The following RTL4 variants were observed in gnomAD, a reference collection of about 807,000 sequenced individuals.
The protein encoded by RTL4 is retrotransposon Gag like 4.
A neutral mutation model predicts 5.3 loss-of-function variants in RTL4; 4 were observed. That is an observed-to-expected ratio of 0.75 (90% CI 0.37 to 1.72). The LOEUF (loss-of-function observed/expected upper bound fraction) is 1.72, where lower values mean the gene tolerates loss of function less well. Ranked by LOEUF, RTL4 falls within the 40% of genes most tolerant of loss-of-function variation. The pLI, the probability that RTL4 is intolerant of heterozygous loss-of-function variation, is 0.04. For synonymous variants in RTL4, 98 were observed against 87.3 expected, an observed-to-expected ratio of 1.12 and a Z score of -0.68; for missense variants, 260 against 227.1, an observed-to-expected ratio of 1.14 and a Z score of -0.93.
the RTL4 span, among the ~76,000 whole-genome samples, chrX:112,329,257 G>T: frequency 9.1e-6 from 1 of 110,401 alleles, no homozygotes; most frequent in South Asian, 3.8e-4. Flanking sequence ...TTGATAGACC[G>T]CTAGCAAGAC....
chrX:112,117,600 A>G, the RTL4 span, among the ~76,000 whole-genome samples: 1 of 111,425 alleles, frequency 9.0e-6, no homozygotes, highest in African/African-American at 3.3e-5. Context: ...ATCATATGAG[A>G]AAAATGTTCA....
chrX:112,232,270 A>G, the RTL4 span, among the ~76,000 whole-genome samples: 1 of 111,903 alleles, frequency 8.9e-6, no homozygotes, highest in Non-Finnish European at 1.9e-5. Context: ...TCTAGGTGAT[A>G]CGGGGCAAGT....
At chrX:112,309,492 T>C in the RTL4 span, among the ~76,000 whole-genome samples, 1 of 110,358 alleles carries the variant, frequency 9.1e-6, no homozygotes, top group Non-Finnish European at 1.9e-5. Flanking sequence ...ATGAAATTCA[T>C]GTGTCTTTTT....
At chrX:112,264,698 C>A in the RTL4 span, among the ~76,000 whole-genome samples, 1 of 111,721 alleles carries the variant, frequency 9.0e-6, no homozygotes, top group East Asian at 2.8e-4. Flanking sequence ...TTCCTCATTA[C>A]TCTTCCTAGT....
At chrX:112,152,165 C>T in the RTL4 span, among the ~76,000 whole-genome samples, 2 of 111,538 alleles carry the variant, frequency 1.8e-5, no homozygotes, top group African/African-American at 6.5e-5. Flanking sequence ...ATAGTTACCC[C>T]TAACAGCTTT....
At chrX:112,130,246 CT>C in the RTL4 span, among the ~76,000 whole-genome samples, 658 of 97,786 alleles carry the variant, frequency 6.7e-3, 3 homozygotes, top group African/African-American at 0.02. Context: ...CTTTTCTTTT[CT>C]TTTTTTTTTT....
At chrX:112,449,436 C>G in the RTL4 span, among the ~76,000 whole-genome samples, 1 of 79,613 alleles carries the variant, frequency 1.3e-5, no homozygotes, top group Admixed American at 1.3e-4. Context: ...ATATTTTCTA[C>G]TTTCAAAAAT....
the RTL4 span, among the ~76,000 whole-genome samples, chrX:112,287,153 T>A: frequency 8.9e-6 from 1 of 111,987 alleles, no homozygotes; most frequent in Non-Finnish European, 1.9e-5. Context: ...GTACTCAGTG[T>A]GTGATGAATG....
chrX:112,257,424 T>C, the RTL4 span, among the ~76,000 whole-genome samples: 1 of 111,563 alleles, frequency 9.0e-6, no homozygotes, highest in Admixed American at 9.6e-5. Context: ...ATTTTACTTA[T>C]GTCCTTTTCT....
At chrX:112,227,405 G>A in the RTL4 span, among the ~76,000 whole-genome samples, 1 of 111,334 alleles carries the variant, frequency 9.0e-6, no homozygotes, top group African/African-American at 3.3e-5. Context: ...GTGATGAAGA[G>A]GTTGTCAGAG....
the RTL4 span, among the ~76,000 whole-genome samples, chrX:112,330,400 T>C: frequency 9.5e-5 from 10 of 105,069 alleles, 1 homozygote; most frequent in Non-Finnish European, 1.9e-4. Context: ...TGAACTCCCA[T>C]TCACAATTGC....
the RTL4 span, among the ~76,000 whole-genome samples, chrX:112,358,801 T>A: frequency 1.8e-5 from 2 of 111,891 alleles, no homozygotes; most frequent in Admixed American, 1.9e-4. Flanking sequence ...CTTTTCACTA[T>A]CCATCACTGG....
chrX:112,442,072 C>G, the RTL4 span, among the ~76,000 whole-genome samples: 1 of 111,331 alleles, frequency 9.0e-6, no homozygotes, highest in Non-Finnish European at 1.9e-5. Flanking sequence ...AAAGGCAGAT[C>G]AATGTGAACA....
chrX:112,409,717 T>C, the RTL4 span, among the ~76,000 whole-genome samples: 2 of 20,623 alleles, frequency 9.7e-5, no homozygotes, highest in East Asian at 4.1e-3. Flanking sequence ...TGAGGCTCCA[T>C]CTCGAAAAAA....
chrX:112,160,965 A>G, the RTL4 span, among the ~76,000 whole-genome samples: 1 of 110,992 alleles, frequency 9.0e-6, no homozygotes, highest in Non-Finnish European at 1.9e-5. Context: ...GAGTGAATAA[A>G]AAAGCATGCC....
the RTL4 span, among the ~76,000 whole-genome samples, chrX:112,280,732 C>A: frequency 7.2e-5 from 8 of 111,533 alleles, no homozygotes; most frequent in South Asian, 3.1e-3. Context: ...TGGCCACAAG[C>A]AGTCCTCCCT....
At chrX:112,272,054 CTT>C in the RTL4 span, among the ~76,000 whole-genome samples, 1 of 111,930 alleles carries the variant, frequency 8.9e-6, no homozygotes, top group Non-Finnish European at 1.9e-5. Flanking sequence ...GATCTACTCT[CTT>C]AGCAAATTTC....
At chrX:112,109,036 G>C in the RTL4 span, among the ~76,000 whole-genome samples, 5 of 111,204 alleles carry the variant, frequency 4.5e-5, no homozygotes, top group African/African-American at 1.6e-4. Flanking sequence ...GCTGCCTGGG[G>C]TTGAGGGAGG....
At chrX:112,229,112 C>T in the RTL4 span, among the ~76,000 whole-genome samples, 1 of 112,123 alleles carries the variant, frequency 8.9e-6, no homozygotes, top group Non-Finnish European at 1.9e-5. Flanking sequence ...ACCTTTTCTA[C>T]TCCTATCCAG....
Sources: gnomAD v4.1 joint callset for allele counts (sites outside exome capture counted in the v4.1 genomes callset) on GRCh38, gnomAD v4.1.1 for gene constraint, MANE v1.5 for transcripts, NCBI Gene and HGNC (gene_info 2026-07-23, HGNC 2026-07-21) for gene names.